Variants in TBL1XR1 observed in about 807,000 individuals in gnomAD.
TBL1XR1 encodes TBL1X/Y related 1.
TBL1XR1 carries 5 observed loss-of-function variants against 66.9 expected under a neutral mutation model. The ratio of observed to expected loss-of-function variants is 0.07; its 90% CI spans 0.04 to 0.16. TBL1XR1 has a LOEUF of 0.16. Ranked by LOEUF, TBL1XR1 falls within the 10% of genes least tolerant of loss-of-function variation. The pLI is 1.00. For synonymous variants in TBL1XR1, 210 were observed against 206.0 expected, an observed-to-expected ratio of 1.02 and a Z score of -0.17; for missense variants, 238 against 623.2, an observed-to-expected ratio of 0.38 and a Z score of 6.58.
intron 3 of TBL1XR1, among the ~76,000 whole-genome samples, chr3:177,062,676 A>G (rs928577363): frequency 6.6e-6 from 1 of 152,228 alleles, no homozygotes; most frequent in Non-Finnish European, 1.5e-5. Flanking sequence ...AAAACTTTCT[A>G]AAGAATACAC....
rs1337626558 is a variant in TBL1XR1 at position 177,183,135 on chromosome 3, GCT to G, written c.-122+13984_-122+13985del. 5.3e-5 allele frequency among the ~76,000 whole-genome samples: 8 copies of G among 152,212 alleles called. 1 individual carries two copies. The highest frequency in any genetic ancestry group is 3.4e-3 in the Middle Eastern group (1 of 294). ...GCACCAATAAATGTAACTCATCCATGCTCTGTCATTCAGAACGTCGACGTTTC... is the reference window on the plus strand; with the variant it reads ...GCACCAATAAATGTAACTCATCCATGCTGTCATTCAGAACGTCGACGTTTC... On this transcript the variant is annotated intron_variant, in intron 1 of 15. Coordinates refer to ENST00000457928, the MANE Select transcript of TBL1XR1 (RefSeq NM_024665.7).
rs889095112 is a variant in TBL1XR1, at chr3:177,197,403, C to CGCGGGGGAAGGGCGCGA, written c.-421_-405dup. Reference sequence around the variant, plus strand: ...CGGCCGGCGGCGGGGGGAGGCGGCGCGCGGGGGAAGGGCGCGAGCGGGGAG... The same window carrying CGCGGGGGAAGGGCGCGA: ...CGGCCGGCGGCGGGGGGAGGCGGCGCGCGGGGGAAGGGCGCGAGCGGGGGAAGGGCGCGAGCGGGGAG... On this transcript the variant is annotated 5_prime_UTR_variant, in exon 1 of 16. Transcript: ENST00000457928. 7.3e-6 allele frequency: 1 copy of CGCGGGGGAAGGGCGCGA among 136,712 alleles called. No homozygotes were observed. The highest frequency in any genetic ancestry group is 7.2e-5 in the Admixed American group (1 of 13,976). The allele number at this position is 136,712 out of a possible 1,614,324, so 8.5% of individuals were successfully genotyped here.
chr3:177,147,342 C>T (rs866401718), intron 1 of TBL1XR1, among the ~76,000 whole-genome samples: 3 of 152,268 alleles, frequency 2.0e-5, no homozygotes, highest in East Asian at 1.9e-4. Context: ...AGCCACGATG[C>T]CCGACCAAGT....
At chr3:177,051,074 T>C (rs944746370) in intron 5 of TBL1XR1, among the ~76,000 whole-genome samples, 1 of 152,178 alleles carries the variant, frequency 6.6e-6, no homozygotes, top group Non-Finnish European at 1.5e-5. Flanking sequence ...TAAAAATTCA[T>C]TTAACAATGG....
intron 7 of TBL1XR1, 133 bp downstream of exon 7, chr3:177,049,864 G>T: frequency 1.0e-6 from 1 of 969,274 alleles, no homozygotes; most frequent in Non-Finnish European, 1.5e-6. Context: ...GGCAGGGGAC[G>T]ACTCCCGGTT....
chr3:177,159,808 G>A (rs934435883), intron 1 of TBL1XR1, among the ~76,000 whole-genome samples: 10 of 151,714 alleles, frequency 6.6e-5, no homozygotes, highest in Admixed American at 3.3e-4. Context: ...CAAGTGAAGC[G>A]ATGCTGGCCC....
intron 10 of TBL1XR1, among the ~76,000 whole-genome samples, chr3:177,039,844 G>C (rs1452353875): frequency 6.6e-6 from 1 of 152,166 alleles, no homozygotes; most frequent in Non-Finnish European, 1.5e-5. Context: ...CCATAAATAA[G>C]AGTTTTATTG....
At chr3:177,066,854 CCA>C (rs1719231842) in intron 2 of TBL1XR1, among the ~76,000 whole-genome samples, 2 of 152,056 alleles carry the variant, frequency 1.3e-5, no homozygotes, top group African/African-American at 4.8e-5. Context: ...AGATGGGAAA[CCA>C]CAGAGGAAGA....
chr3:177,049,966 T>C, intron 7 of TBL1XR1, 31 bp downstream of exon 7: 1 of 1,600,248 alleles, frequency 6.2e-7, no homozygotes, highest in Non-Finnish European at 8.6e-7. Context: ...ATACTAGTAA[T>C]TATATCCATC....
intron 2 of TBL1XR1, among the ~76,000 whole-genome samples, chr3:177,066,877 C>A (rs952563574): frequency 5.9e-5 from 9 of 152,130 alleles, no homozygotes; most frequent in Non-Finnish European, 1.0e-4. Flanking sequence ...GTGACAATTA[C>A]AATATCTTCA....
rs150144817 is a variant in TBL1XR1, at chr3:177,077,946, C to T, written c.-45-12924G>A. 1.0e-3 allele frequency among the ~76,000 whole-genome samples: 155 copies of T among 152,270 alleles called. 3 individuals carry two copies. Among genetic ancestry groups the T allele is most frequent in the African/African-American group, 3.6e-3 (149 of 41,546 alleles). On this transcript the variant is annotated intron_variant, in intron 2 of 15. Coordinates refer to ENST00000457928, the MANE Select transcript of TBL1XR1 (RefSeq NM_024665.7). Reference sequence around the variant, plus strand: ...GGCTTTTGACATTAAGGCATTACATCAAGTCATTTTAACTTCCCGGAGCCC... The same window carrying T: ...GGCTTTTGACATTAAGGCATTACATTAAGTCATTTTAACTTCCCGGAGCCC...
chr3:177,114,272 T>C (rs1726015067), intron 1 of TBL1XR1, among the ~76,000 whole-genome samples: 1 of 151,396 alleles, frequency 6.6e-6, no homozygotes, highest in Non-Finnish European at 1.5e-5. Flanking sequence ...ATCATATATA[T>C]ATACACACAT....
intron 1 of TBL1XR1, among the ~76,000 whole-genome samples, chr3:177,128,272 A>T (rs1232642300): frequency 6.6e-6 from 1 of 152,236 alleles, no homozygotes; most frequent in Non-Finnish European, 1.5e-5. Context: ...AATTTAAAAC[A>T]TTAGAACCGA....
chr3:177,195,726 TTCAG>T (rs1368332234), intron 1 of TBL1XR1: 1 of 152,024 alleles, frequency 6.6e-6, no homozygotes, highest in Non-Finnish European at 1.5e-5. Context: ...AGAGCAACCA[TTCAG>T]TCTTAAAATT....
Position 177,034,195 on chromosome 3 carries a change from C to A in TBL1XR1, c.1250+3G>T. ...AAAAGGAAAAATGAAACAGAAGTAT[C>A]ACCTTGCTAACATAAGGTTGGCATT... is the stretch of plus-strand genomic sequence containing the variant. On this transcript the variant is annotated splice_donor_region_variant and intron_variant, in intron 13 of 15. Coordinates refer to ENST00000457928, the MANE Select transcript of TBL1XR1 (RefSeq NM_024665.7). 6.2e-7 allele frequency: 1 copy of A among 1,601,320 alleles called. No individual in the cohort carries two copies. The highest frequency in any genetic ancestry group is 1.1e-5 in the South Asian group (1 of 87,156).
intron 2 of TBL1XR1, among the ~76,000 whole-genome samples, chr3:177,065,364 AAT>A (rs1244271999): frequency 6.6e-6 from 1 of 152,200 alleles, no homozygotes; most frequent in Non-Finnish European, 1.5e-5. Flanking sequence ...AAAAATAAAA[AAT>A]ATTAGTTATT....
At chr3:177,135,357 A>ATG (rs1446476882) in intron 1 of TBL1XR1, among the ~76,000 whole-genome samples, 1 of 38,768 alleles carries the variant, frequency 2.6e-5, no homozygotes, top group Non-Finnish European at 4.7e-5. Flanking sequence ...ATATATATAT[A>ATG]TATATATATA....
intron 2 of TBL1XR1, among the ~76,000 whole-genome samples, chr3:177,085,857 T>C (rs1722052238): frequency 1.3e-5 from 2 of 152,154 alleles, no homozygotes; most frequent in South Asian, 4.1e-4. Flanking sequence ...CCAAAAACTC[T>C]CACGATTCAC....
At chr3:177,147,021 CT>C (rs979578591) in intron 1 of TBL1XR1, among the ~76,000 whole-genome samples, 2 of 151,422 alleles carry the variant, frequency 1.3e-5, no homozygotes, top group African/African-American at 4.9e-5. Flanking sequence ...ATACTTTTTA[CT>C]GCTTCATCAA....
Sources: gnomAD v4.1 joint callset for allele counts (sites outside exome capture counted in the v4.1 genomes callset) on GRCh38, gnomAD v4.1.1 for gene constraint, MANE v1.5 for transcripts, NCBI Gene and HGNC (gene_info 2026-07-23, HGNC 2026-07-21) for gene names.